MYO7B: variants seen among roughly 807,000 people sequenced by gnomAD.
MYO7B encodes the protein myosin VIIB, also known as unconventional myosin-VIIb.
A neutral mutation model predicts 259.7 loss-of-function variants in MYO7B; 212 were observed. That is an observed-to-expected ratio of 0.82 (90% confidence interval 0.73 to 0.91). The LOEUF (loss-of-function observed/expected upper bound fraction) is 0.91, where lower values mean the gene tolerates loss of function less well. MYO7B is among the 40% of genes least tolerant of loss of function. The pLI is 0.00. For synonymous variants in MYO7B, 1,197 were observed against 1,166.4 expected (o/e 1.03, Z -0.54); for missense variants, 2,732 against 2,813.5 (o/e 0.97, Z 0.66).
intron 3 of MYO7B, 124 bp from the exon 4 acceptor site, chr2:127,565,109 C>T: frequency 7.9e-7 from 1 of 1,266,702 alleles, no homozygotes; most frequent in Non-Finnish European, 1.1e-6. Context: ...GGCCACTGCC[C>T]CAGGTCAGCT....
Position 127,590,181 on chromosome 2 carries a change from G to T in MYO7B, c.1944G>T (p.Gln648His). ...TGATGAAAATCCTGACCAACTGCCA[G>T]CCTTACTTCATCCGCTGCATCAAAC... ...DQLMKILTNC[Q>H]PYFIRCIKPN... The change falls in exon 16 of 48, where the codon CAG (glutamine) becomes CAT (histidine). Residue 648 changes from glutamine (Q) to histidine (H), a missense_variant. Physicochemically the swap from Gln to His is conservative, Grantham distance 24 (BLOSUM62 0). This residue lies in a region of MYO7B where 1,906 missense variants were observed against 2,026.4 expected (regional missense o/e 0.94). Transcript: ENST00000409816. The surrounding 1 kb of genome is among the most constrained non-coding windows in gnomAD (Gnocchi z 4.6). 4 of 1,612,892 alleles carry T rather than the reference G, an allele frequency of 2.5e-6. No homozygotes were observed. Among genetic ancestry groups the T allele is most frequent in the Non-Finnish European group, 3.4e-6 (4 of 1,179,748 alleles).
In MYO7B at chr2:127,559,187, G is replaced by A. The variant is rs1285272505; in HGVS notation, c.-23-513G>A. Reference sequence around the variant, plus strand: ...TCCCTCTAGAACCACCAGGTGCTAAGGACAGGTTTGAAAGGAGGCAGATCC... The same window carrying A: ...TCCCTCTAGAACCACCAGGTGCTAAAGACAGGTTTGAAAGGAGGCAGATCC... On this transcript the variant is annotated intron_variant, in intron 1 of 47. Transcript: ENST00000409816. This position sits in a 1 kb window ranked among gnomAD's most constrained non-coding sequence, Gnocchi z 4.1. Among the ~76,000 whole-genome samples, 1 of 152,214 alleles carries A rather than the reference G, an allele frequency of 6.6e-6. No homozygotes were observed. Among genetic ancestry groups the A allele is most frequent in the Non-Finnish European group, 1.5e-5 (1 of 68,034 alleles).
Position 127,564,161 on chromosome 2 carries a change from C to T in MYO7B, c.27C>T (p.His9=), listed in dbSNP as rs372946541. ...TTCTGTCTGCCCTCCAGGGTGACCA[C>T]GTGTGGCTGGAGCCTCCCTCCACCC... MSGFRLGD[H]VWLEPPSTHK... is the part of the protein sequence containing the mutation. The change falls in exon 3 of 48, where the codon CAC becomes CAT. Residue 9 remains histidine, a synonymous_variant. Coordinates refer to ENST00000409816, the MANE Select transcript of MYO7B (RefSeq NM_001393586.1). The T allele has an allele frequency of 1.2e-5, 18 of 1,563,780 alleles. No homozygotes were observed. Among genetic ancestry groups the T allele is most frequent in the African/African-American group, 2.7e-5 (2 of 73,818 alleles).
intron 26 of MYO7B, among the ~76,000 whole-genome samples, chr2:127,618,427 T>C (rs1018545067): frequency 6.6e-6 from 1 of 152,118 alleles, no homozygotes; most frequent in Non-Finnish European, 1.5e-5. Flanking sequence ...GAGGTAACGA[T>C]TGGTCAGCTG....
In MYO7B at chr2:127,576,815, G is replaced by A. The variant is rs998334174; in HGVS notation, c.849+107G>A. 6 of 757,286 alleles carry A rather than the reference G, an allele frequency of 7.9e-6. No homozygotes were observed. In the African/African-American group the frequency reaches 8.9e-5, roughly 11 times the overall value. The allele number at this position is 757,286 out of a possible 1,614,324, so 46.9% of individuals were successfully genotyped here. On this transcript the variant is annotated intron_variant, in intron 8 of 47. Transcript: ENST00000409816. The surrounding 1 kb of genome is among the most constrained non-coding windows in gnomAD (Gnocchi z 4.9). ...TGCAGAGAAGCCCAACGCTGGCCGG[G>A]CCCCTGAGGCGGGGCTGGTTCCCTT...
Position 127,546,097 on chromosome 2 carries a change from T to C in MYO7B, c.-24+10266T>C, listed in dbSNP as rs1032521291. 6.6e-6 allele frequency among the ~76,000 whole-genome samples: 1 copy of C among 152,230 alleles called. No individual in the cohort carries two copies. The highest frequency in any genetic ancestry group is 2.4e-5 in the African/African-American group (1 of 41,462). On this transcript the variant is annotated intron_variant, in intron 1 of 47. Coordinates refer to ENST00000409816, the MANE Select transcript of MYO7B (RefSeq NM_001393586.1). The surrounding 1 kb of genome is among the most constrained non-coding windows in gnomAD (Gnocchi z 4.2). Reference sequence around the variant, plus strand: ...CAGTCAGCTGGTGGCATAGGAGAACTTCCAAGTCTTACTCATCCCTCACCC... The same window carrying C: ...CAGTCAGCTGGTGGCATAGGAGAACCTCCAAGTCTTACTCATCCCTCACCC...
chr2:127,626,192 G>A (rs1389826756), intron 31 of MYO7B: 4 of 152,378 alleles, frequency 2.6e-5, no homozygotes, highest in Non-Finnish European at 5.9e-5. Context: ...GAAGGAAGGA[G>A]ACTGGAAGAC....
chr2:127,632,227 G>C lies in MYO7B; in HGVS notation c.5250-19G>C. The C allele has an allele frequency of 6.2e-7, 1 of 1,609,132 alleles. No individual in the cohort carries two copies. Among genetic ancestry groups the C allele is most frequent in the African/African-American group, 1.3e-5 (1 of 74,996 alleles). ...GCCCCCTGAGGGGCCTTTCCCGGCT[G>C]ACAAGTGCTACCCTTCAGGCACAGC... On this transcript the variant is annotated intron_variant, in intron 38 of 47. Coordinates refer to ENST00000409816, the MANE Select transcript of MYO7B (RefSeq NM_001393586.1).
At chr2:127,566,875 C>A in intron 5 of MYO7B, 48 bp downstream of exon 5, 1 of 1,561,856 alleles carries the variant, frequency 6.4e-7, no homozygotes. Flanking sequence ...CCCTGAACTG[C>A]TCCCCACCAG....
At chr2:127,626,800 G>C (rs1297716914) in intron 31 of MYO7B, 175 bp from the exon 32 acceptor site, 1 of 610,630 alleles carries the variant, frequency 1.6e-6, no homozygotes, top group Non-Finnish European at 2.9e-6. Flanking sequence ...AAAAAGGATA[G>C]GGCTGCACCA....
In MYO7B at chr2:127,609,466, G is replaced by A; in HGVS notation, c.2815-40G>A. 6.4e-7 allele frequency: 1 copy of A among 1,569,208 alleles called. No homozygotes were observed. Among genetic ancestry groups the A allele is most frequent in the Non-Finnish European group, 8.7e-7 (1 of 1,154,230 alleles). ...TCAGCTGATGGGTTGGTTGTTACCT[G>A]AAAGCCCTGCTGACCCGTGTTCTCC... is the stretch of plus-strand genomic sequence containing the variant. On this transcript the variant is annotated intron_variant, in intron 22 of 47. Coordinates refer to ENST00000409816, the MANE Select transcript of MYO7B (RefSeq NM_001393586.1). The surrounding 1 kb of genome is among the most constrained non-coding windows in gnomAD (Gnocchi z 6.9).
chr2:127,596,474 A>C lies in MYO7B; in HGVS notation c.2257A>C (p.Thr753Pro). Residue 753 changes from threonine (T) to proline (P), a missense_variant, in exon 19 of 48, where the codon ACT (threonine) becomes CCT (proline). Physicochemically the swap from Thr to Pro is conservative, Grantham distance 38. Transcript: ENST00000409816. Reference sequence around the variant, plus strand: ...TCTCCTGTTCCAGGATCATCAGGACACTCTGCTGGAGGTACAGAGAAGCCA... The same window carrying C: ...TCTCCTGTTCCAGGATCATCAGGACCCTCTGCTGGAGGTACAGAGAAGCCA... ...TKIFLRDHQD[T>P]LLEVQRSQVL... 6.2e-7 allele frequency: 1 copy of C among 1,613,236 alleles called. No individual in the cohort carries two copies.
At chr2:127,566,474 C>T (rs903804461) in intron 4 of MYO7B, among the ~76,000 whole-genome samples, 169 bp from the exon 5 acceptor site, 2 of 152,242 alleles carry the variant, frequency 1.3e-5, no homozygotes, top group South Asian at 2.1e-4. Flanking sequence ...GAGAGATCTG[C>T]GCAGCTGAAT....
At position 127,559,443 on chromosome 2, in the gene MYO7B, A is replaced by G. The variant is rs1677974828; in HGVS notation, c.-23-257A>G. ...GCTTCTGGATGACAGGGAACCACCT[A>G]CTCCCTGTATCAAGCCCAGGACTGG... On this transcript the variant is annotated intron_variant, in intron 1 of 47. Coordinates refer to ENST00000409816, the MANE Select transcript of MYO7B (RefSeq NM_001393586.1). The surrounding 1 kb of genome is among the most constrained non-coding windows in gnomAD (Gnocchi z 4.1). 6.6e-6 allele frequency among the ~76,000 whole-genome samples: 1 copy of G among 151,992 alleles called. No individual in the cohort carries two copies. The highest frequency in any genetic ancestry group is 2.4e-5 in the African/African-American group (1 of 41,364).
intron 1 of MYO7B, among the ~76,000 whole-genome samples, chr2:127,545,034 C>T: frequency 6.6e-6 from 1 of 152,156 alleles, no homozygotes; most frequent in East Asian, 1.9e-4. Flanking sequence ...CCTAACCATG[C>T]TTTTTAAAGA....
rs1680511237 is a variant in MYO7B, at chr2:127,614,870, T to TGTGGG, written c.3398+2267_3398+2268insGTGGG. On this transcript the variant is annotated intron_variant, in intron 26 of 47. Coordinates refer to ENST00000409816, the MANE Select transcript of MYO7B (RefSeq NM_001393586.1). The surrounding 1 kb of genome is among the most constrained non-coding windows in gnomAD (Gnocchi z 4.6). ...GTAAATCCTACAAGAATGTGTCTCT[T>TGTGGG]TAGAACGTCGGATATGAGCATCCAT... Among the ~76,000 whole-genome samples, 1 of 152,172 alleles carries TGTGGG rather than the reference T, an allele frequency of 6.6e-6. No homozygotes were observed. The highest frequency in any genetic ancestry group is 2.4e-5 in the African/African-American group (1 of 41,434).
intron 11 of MYO7B, 77 bp from the exon 12 acceptor site, chr2:127,582,227 C>T: frequency 6.4e-7 from 1 of 1,557,576 alleles, no homozygotes; most frequent in Non-Finnish European, 8.7e-7. Flanking sequence ...AGACATTCGG[C>T]CTCTCCAGGT....
At chr2:127,626,432 G>T (rs747247205) in intron 31 of MYO7B, 22 of 154,834 alleles carry the variant, frequency 1.4e-4, no homozygotes, top group Admixed American at 1.3e-4. Context: ...ATGAGGGGAC[G>T]GGATGGCCTT....
intron 5 of MYO7B, among the ~76,000 whole-genome samples, chr2:127,568,341 C>A (rs1678442043): frequency 6.6e-6 from 1 of 152,202 alleles, no homozygotes; most frequent in Non-Finnish European, 1.5e-5. Context: ...GATTTTGGTT[C>A]CTTGCAGTGA....
Sources: gnomAD v4.1 joint callset for allele counts (sites outside exome capture counted in the v4.1 genomes callset) on GRCh38, gnomAD v4.1.1 for gene constraint, gnomAD v4.1.1 regional missense constraint, Gnocchi (gnomAD v3.1) non-coding constraint, MANE v1.5 for transcripts, NCBI Gene and HGNC (gene_info 2026-07-23, HGNC 2026-07-21) for gene names.